SNX7: variants seen among roughly 807,000 people sequenced by gnomAD.
SNX7 encodes the protein sorting nexin-7.
A neutral mutation model predicts 48.4 loss-of-function variants in SNX7; 35 were observed. The observed-to-expected ratio is 0.72, with a 90% CI of 0.55 to 0.96. The LOEUF is 0.96. Among genes scored for constraint, SNX7 ranks in the 40% least tolerant of loss-of-function variants. The pLI is 0.00. For missense variants in SNX7, 553 were observed against 548.9 expected (o/e 1.01, Z -0.07); for synonymous variants, 190 against 190.2 (o/e 1.00, Z 0.01).
intron 7 of SNX7, among the ~76,000 whole-genome samples, chr1:98,732,318 TTTC>T (rs1203946994): frequency 1.3e-5 from 2 of 152,080 alleles, no homozygotes; most frequent in African/African-American, 4.8e-5. Flanking sequence ...GGCCTGTAAC[TTTC>T]TCCAAAGATG....
intron 4 of SNX7, among the ~76,000 whole-genome samples, chr1:98,692,427 C>A (rs1012342997): frequency 3.3e-5 from 5 of 152,052 alleles, no homozygotes; most frequent in Admixed American, 1.3e-4. Flanking sequence ...GCAAGCAATT[C>A]AACTTTTTTT....
intron 7 of SNX7, among the ~76,000 whole-genome samples, chr1:98,729,338 C>T (rs1011442099): frequency 5.9e-5 from 9 of 151,998 alleles, no homozygotes; most frequent in Non-Finnish European, 1.3e-4. Context: ...AGAAAGACCT[C>T]AAGTCAAAAA....
chr1:98,706,298 T>C (rs1006338842), intron 7 of SNX7, among the ~76,000 whole-genome samples: 1 of 152,152 alleles, frequency 6.6e-6, no homozygotes, highest in African/African-American at 2.4e-5. Flanking sequence ...CAGTAAAATA[T>C]TCACCAAGGA....
intron 2 of SNX7, among the ~76,000 whole-genome samples, chr1:98,688,000 A>G (rs1650899406): frequency 6.6e-6 from 1 of 152,220 alleles, no homozygotes; most frequent in African/African-American, 2.4e-5. Flanking sequence ...GATTATTACA[A>G]TTCAAGATGA....
At chr1:98,752,272 C>T (rs1289862379) in intron 8 of SNX7, among the ~76,000 whole-genome samples, 8 of 151,856 alleles carry the variant, frequency 5.3e-5, no homozygotes, top group Non-Finnish European at 8.8e-5. Flanking sequence ...TACTCAAGAG[C>T]AAAGAAATTT....
chr1:98,695,392 A>G (rs1163591415), intron 4 of SNX7, 126 bp from the exon 5 acceptor site: 3 of 837,536 alleles, frequency 3.6e-6, no homozygotes, highest in Non-Finnish European at 5.6e-6. Flanking sequence ...AGCTAACATT[A>G]AAAAAGATTG....
intron 1 of SNX7, among the ~76,000 whole-genome samples, chr1:98,667,091 A>C (rs1386755517): frequency 6.6e-6 from 1 of 152,194 alleles, no homozygotes; most frequent in Admixed American, 6.5e-5. Context: ...TGCTTCCTGA[A>C]TTCCTGCATA....
chr1:98,749,818 A>G (rs1477182857), intron 8 of SNX7, among the ~76,000 whole-genome samples: 1 of 152,102 alleles, frequency 6.6e-6, no homozygotes, highest in Non-Finnish European at 1.5e-5. Flanking sequence ...TCGTGGTGCT[A>G]TTGGCCTAGT....
intron 7 of SNX7, among the ~76,000 whole-genome samples, chr1:98,703,346 G>A (rs1651846587): frequency 6.6e-6 from 1 of 152,116 alleles, no homozygotes; most frequent in Non-Finnish European, 1.5e-5. Context: ...GAGTCCTTGT[G>A]TCTACGAAGT....
chr1:98,751,388 C>G (rs1654572002), intron 8 of SNX7, among the ~76,000 whole-genome samples: 1 of 151,972 alleles, frequency 6.6e-6, no homozygotes, highest in South Asian at 2.1e-4. Context: ...TCTATGTATT[C>G]CATCTGTGTG....
intron 7 of SNX7, among the ~76,000 whole-genome samples, chr1:98,731,566 A>G (rs1027777791): frequency 6.6e-6 from 1 of 152,222 alleles, no homozygotes; most frequent in South Asian, 2.1e-4. Context: ...TTCTGAAAAA[A>G]TTTGTTTTTA....
chr1:98,731,074 A>C (rs1047665738), intron 7 of SNX7, among the ~76,000 whole-genome samples: 2 of 151,820 alleles, frequency 1.3e-5, no homozygotes, highest in Admixed American at 1.3e-4. Flanking sequence ...CCACCATGGC[A>C]CATGTTTACC....
At chr1:98,753,968 A>G (rs1366822268) in intron 8 of SNX7, among the ~76,000 whole-genome samples, 2 of 152,124 alleles carry the variant, frequency 1.3e-5, no homozygotes, top group Non-Finnish European at 2.9e-5. Context: ...TGAAAAATCA[A>G]TAAAATACTA....
intron 7 of SNX7, among the ~76,000 whole-genome samples, chr1:98,712,049 G>A (rs902293924): frequency 1.3e-5 from 2 of 152,036 alleles, no homozygotes; most frequent in Non-Finnish European, 2.9e-5. Context: ...GTAGCAATTC[G>A]GTCATCTCTT....
intron 8 of SNX7, among the ~76,000 whole-genome samples, chr1:98,746,840 C>G (rs1254192425): frequency 2.0e-5 from 3 of 151,956 alleles, no homozygotes; most frequent in African/African-American, 7.2e-5. Flanking sequence ...CTTTCACATT[C>G]CGGGAGGTAA....
At chr1:98,664,768 G>A (rs979807488) in intron 1 of SNX7, among the ~76,000 whole-genome samples, 1 of 152,104 alleles carries the variant, frequency 6.6e-6, no homozygotes, top group Non-Finnish European at 1.5e-5. Context: ...CCAGTGAGAA[G>A]AAAATGATGC....
chr1:98,701,908 G>GT lies in SNX7; in HGVS notation c.1125+10dup. 6.3e-7 allele frequency: 1 copy of GT among 1,593,960 alleles called. No homozygotes were observed. The highest frequency in any genetic ancestry group is 1.3e-5 in the African/African-American group (1 of 74,242). ...AAAAAGGCAGATACTGATCTGGTAAGTTTTTAAGTTTCTTGATACAATCAT... is the reference window on the plus strand; with the variant it reads ...AAAAAGGCAGATACTGATCTGGTAAGTTTTTTAAGTTTCTTGATACAATCAT... On this transcript the variant is annotated splice_donor_region_variant and intron_variant, in intron 7 of 8. Transcript: ENST00000306121.
chr1:98,698,960 A>G, intron 6 of SNX7, 55 bp downstream of exon 6: 1 of 1,532,188 alleles, frequency 6.5e-7, no homozygotes, highest in Non-Finnish European at 9.0e-7. Flanking sequence ...TATAAGCTCC[A>G]TAAAGGCAAC....
chr1:98,685,687 A>C (rs1235066443), intron 2 of SNX7, among the ~76,000 whole-genome samples: 1 of 152,132 alleles, frequency 6.6e-6, no homozygotes, highest in Non-Finnish European at 1.5e-5. Flanking sequence ...TCTCTTTATA[A>C]TATTTTGTTT....
Sources: allele counts gnomAD v4.1 joint callset (sites outside exome capture counted in the v4.1 genomes callset), GRCh38; gene constraint gnomAD v4.1.1; transcripts MANE v1.5; gene names NCBI Gene and HGNC (gene_info 2026-07-23, HGNC 2026-07-21).